The following SLIT3 variants were observed in gnomAD, a reference collection of about 807,000 sequenced individuals.
The protein encoded by SLIT3 is slit guidance ligand 3.
Under a neutral mutation model 184.0 loss-of-function variants are expected in SLIT3, and 68 were observed. That is an observed-to-expected ratio of 0.37 (90% CI 0.30 to 0.45). SLIT3 has a LOEUF of 0.45. Ranked by LOEUF, SLIT3 falls within the 20% of genes least tolerant of loss-of-function variation. The probability of loss-of-function intolerance (pLI) is 1.00; values close to 1 mark genes in which losing one functional copy is unlikely to be tolerated. For synonymous variants in SLIT3, 831 were observed against 828.6 expected (o/e 1.00, Z -0.05); for missense variants, 1,707 against 2,026.0 (o/e 0.84, Z 3.02).
chr5:169,179,782 G>T (rs1194715454), intron 4 of SLIT3, among the ~76,000 whole-genome samples: 3 of 152,150 alleles, frequency 2.0e-5, no homozygotes, highest in Non-Finnish European at 4.4e-5. Flanking sequence ...GGAACAAAAG[G>T]CACCTTTGAC....
chr5:169,163,932 C>A (rs12653521), intron 4 of SLIT3, among the ~76,000 whole-genome samples: 3 of 152,092 alleles, frequency 2.0e-5, no homozygotes, highest in Non-Finnish European at 4.4e-5. Flanking sequence ...GTGATGCTTG[C>A]GGGCCCCCAG....
Position 168,804,310 on chromosome 5 carries a change from CAAAAAAAAAAAAAAAAAAA to C in SLIT3, c.935+2117_935+2135del, listed in dbSNP as rs770650322. Among the ~76,000 whole-genome samples, 7 of 52,358 alleles carry C rather than the reference CAAAAAAAAAAAAAAAAAAA, an allele frequency of 1.3e-4. No homozygotes were observed. In the South Asian group the frequency reaches 4.6e-3, roughly 35 times the overall value. The allele number at this position is 52,358 out of a possible 152,430, so 34.3% of individuals were successfully genotyped here. ...GGGTGAGAAGAGTGAAACTCTTTCT[CAAAAAAAAAAAAAAAAAAA>C]AAAAAAAAAAGATGAAAGGGAAACA... On this transcript the variant is annotated intron_variant, in intron 9 of 35. Transcript: ENST00000519560.
chr5:169,195,250 C>G (rs372754821), intron 3 of SLIT3, among the ~76,000 whole-genome samples: 2 of 152,292 alleles, frequency 1.3e-5, no homozygotes, highest in Non-Finnish European at 2.9e-5. Flanking sequence ...CCATTTCCCC[C>G]CTTTCTTCCT....
chr5:169,134,163 C>G (rs1761411274), intron 4 of SLIT3, among the ~76,000 whole-genome samples: 1 of 152,214 alleles, frequency 6.6e-6, no homozygotes. Context: ...CAAATCTTCT[C>G]TCAACATGGT....
chr5:168,867,598 C>T (rs1286609909), intron 5 of SLIT3, among the ~76,000 whole-genome samples: 3 of 152,228 alleles, frequency 2.0e-5, no homozygotes, highest in South Asian at 2.1e-4. Context: ...AGCCTCAAAA[C>T]ACTACAAGAT....
intron 14 of SLIT3, among the ~76,000 whole-genome samples, chr5:168,764,654 C>T (rs1471745951): frequency 6.6e-6 from 1 of 152,154 alleles, no homozygotes; most frequent in Non-Finnish European, 1.5e-5. Flanking sequence ...GTCTCTAATT[C>T]TGATGTGACA....
At chr5:168,854,021 G>A (rs911349161) in intron 5 of SLIT3, among the ~76,000 whole-genome samples, 6 of 152,106 alleles carry the variant, frequency 3.9e-5, no homozygotes, top group African/African-American at 7.2e-5. Flanking sequence ...AGAGTAGGAC[G>A]AATTCTGAAT....
At chr5:168,848,351 A>G (rs1758554877) in intron 5 of SLIT3, among the ~76,000 whole-genome samples, 1 of 152,236 alleles carries the variant, frequency 6.6e-6, no homozygotes, top group African/African-American at 2.4e-5. Context: ...TCTGAGACAC[A>G]GACCTCTATC....
chr5:168,757,925 G>A (rs573431062), intron 16 of SLIT3, among the ~76,000 whole-genome samples: 3 of 152,280 alleles, frequency 2.0e-5, no homozygotes, highest in Admixed American at 6.5e-5. Context: ...ATGAAACTAA[G>A]GCTCAGAAAG....
Position 169,120,192 on chromosome 5 carries a change from T to C in SLIT3, c.413+73287A>G, listed in dbSNP as rs1376502786. The stretch of plus-strand genomic sequence containing the variant: ...AGTTGATCTTGATATTTGGTCAGAG[T>C]GCTCAGTTGCAGGGTGATGGTGCAA... On this transcript the variant is annotated intron_variant, in intron 4 of 35. Coordinates refer to ENST00000519560, the MANE Select transcript of SLIT3 (RefSeq NM_003062.4). 2.6e-5 allele frequency: 4 copies of C among 152,188 alleles called. No homozygotes were observed. In the East Asian group the frequency reaches 7.7e-4, roughly 29 times the overall value. The allele number at this position is 152,188 out of a possible 1,614,324, so 9.4% of individuals were successfully genotyped here.
chr5:168,707,913 T>C, intron 26 of SLIT3, 63 bp downstream of exon 26: 1 of 1,603,738 alleles, frequency 6.2e-7, no homozygotes, highest in Non-Finnish European at 8.5e-7. Context: ...TGCCCCTCTC[T>C]AGGGCCAGGG....
At chr5:168,837,657 C>A (rs1456076710) in intron 6 of SLIT3, among the ~76,000 whole-genome samples, 1 of 152,180 alleles carries the variant, frequency 6.6e-6, no homozygotes, top group Non-Finnish European at 1.5e-5. Flanking sequence ...GTTCCACATA[C>A]TTTAACCGGC....
chr5:169,100,545 A>G (rs1266012068), intron 4 of SLIT3, among the ~76,000 whole-genome samples: 2 of 152,226 alleles, frequency 1.3e-5, no homozygotes. Context: ...TAGGCTCAGG[A>G]GAGATTGGTG....
chr5:168,873,642 A>G (rs1304443878), intron 5 of SLIT3, among the ~76,000 whole-genome samples: 1 of 152,174 alleles, frequency 6.6e-6, no homozygotes, highest in East Asian at 1.9e-4. Flanking sequence ...TCTCTCAAAG[A>G]TAAGATAATA....
At chr5:169,135,524 C>G (rs1420666000) in intron 4 of SLIT3, among the ~76,000 whole-genome samples, 1 of 151,942 alleles carries the variant, frequency 6.6e-6, no homozygotes, top group Non-Finnish European at 1.5e-5. Context: ...CAGAAACTAG[C>G]AGGAACACAG....
chr5:168,666,269 G>GAAC lies in SLIT3; in HGVS notation c.*184_*185insGTT. Reference sequence around the variant, plus strand: ...ATTTATATAATAAAAGATGAAAATAGTCACTTTCCATAATAAAAATAAGTT... The same window carrying GAAC: ...ATTTATATAATAAAAGATGAAAATAGAACTCACTTTCCATAATAAAAATAAGTT... On this transcript the variant is annotated 3_prime_UTR_variant, in exon 36 of 36. Transcript: ENST00000519560. The GAAC allele has an allele frequency of 2.0e-6, 1 of 510,176 alleles. No individual in the cohort carries two copies. Among genetic ancestry groups the GAAC allele is most frequent in the Non-Finnish European group, 3.3e-6 (1 of 303,270 alleles). The allele number at this position is 510,176 out of a possible 1,614,324, so 31.6% of individuals were successfully genotyped here. A position where few individuals can be genotyped will look rare whatever the true frequency, so the allele number is the denominator to read the frequency against.
chr5:169,192,310 G>A (rs1763580455), intron 4 of SLIT3, among the ~76,000 whole-genome samples: 1 of 152,160 alleles, frequency 6.6e-6, no homozygotes, highest in Non-Finnish European at 1.5e-5. Flanking sequence ...CAAAGTGCAG[G>A]TGTGTCCTAG....
Position 168,748,331 on chromosome 5 carries a change from G to A in SLIT3, c.2241C>T (p.Pro747=), listed in dbSNP as rs752636185. Residue 747 remains proline, a synonymous_variant, in exon 20 of 36, where the codon CCC becomes CCT. Coordinates refer to ENST00000519560, the MANE Select transcript of SLIT3 (RefSeq NM_003062.4). ...RCSNKGLRAL[P]RGMPKDVTEL... ...CGGTCACATCCTTGGGCATGCCTCT[G>A]GGGAGGGCGCGGAGCCCCTTGTTGC... is the stretch of plus-strand genomic sequence containing the variant. 6.7e-7 allele frequency: 1 copy of A among 1,491,068 alleles called. No individual in the cohort carries two copies. Among genetic ancestry groups the A allele is most frequent in the South Asian group, 1.4e-5 (1 of 73,024 alleles). 92.4% of individuals were successfully genotyped at this position (1,491,068 alleles called of 1,614,324 possible). A position where few individuals can be genotyped will look rare whatever the true frequency, so the allele number is the denominator to read the frequency against.
chr5:169,268,757 G>GAGCCAATGC (rs1164502540), intron 1 of SLIT3, among the ~76,000 whole-genome samples: 16 of 152,184 alleles, frequency 1.1e-4, no homozygotes, highest in Non-Finnish European at 1.5e-5. Flanking sequence ...ATGCTCAAGT[G>GAGCCAATGC]AGCCAATGCA....
Sources: allele counts gnomAD v4.1 joint callset (sites outside exome capture counted in the v4.1 genomes callset), GRCh38; gene constraint gnomAD v4.1.1; transcripts MANE v1.5; gene names NCBI Gene and HGNC (gene_info 2026-07-23, HGNC 2026-07-21).